The following CYP2B6 variants were observed in gnomAD, a reference collection of about 807,000 sequenced individuals.
CYP2B6 encodes cytochrome P450 family 2 subfamily B member 6.
A neutral mutation model predicts 43.4 loss-of-function variants in CYP2B6; 35 were observed. The observed-to-expected ratio is 0.81, with a 90% CI of 0.62 to 1.07. The LOEUF (loss-of-function observed/expected upper bound fraction) is 1.07. Among genes scored for constraint, CYP2B6 ranks in the 50% least tolerant of loss-of-function variants. The probability of loss-of-function intolerance (pLI) is 0.00; values close to 1 mark genes in which losing one functional copy is unlikely to be tolerated. For missense variants in CYP2B6, 624 were observed against 632.8 expected (o/e 0.99, Z 0.15); for synonymous variants, 239 against 239.2 (o/e 1.00, Z 0.01).
chr19:41,002,010 C>T (rs574722784), intron 1 of CYP2B6, among the ~76,000 whole-genome samples: 1 of 151,556 alleles, frequency 6.6e-6, no homozygotes, highest in South Asian at 2.1e-4. Flanking sequence ...GGGGTGGCTA[C>T]AAGAATCCTG....
intron 4 of CYP2B6, 30 bp downstream of exon 4, chr19:41,007,095 T>C (rs1331683010): frequency 6.2e-7 from 1 of 1,612,686 alleles, no homozygotes; most frequent in Non-Finnish European, 8.5e-7. Context: ...ACAGGGGGTG[T>C]GGGGGTGAGG....
chr19:41,009,504 G>C (rs553261903), intron 5 of CYP2B6, 109 bp downstream of exon 5: 110 of 1,286,408 alleles, frequency 8.6e-5, no homozygotes, highest in Non-Finnish European at 1.1e-4. Context: ...GAGGGAAGAA[G>C]AAAGACTAGG....
In CYP2B6 at chr19:41,018,004, T is replaced by A. The variant is rs1969396963; in HGVS notation, c.*1177T>A. The A allele has an allele frequency of 6.6e-6, 1 of 152,104 alleles. No homozygotes were observed. The highest frequency in any genetic ancestry group is 6.5e-5 in the Admixed American group (1 of 15,272). The allele number at this position is 152,104 out of a possible 1,614,324, so 9.4% of individuals were successfully genotyped here. A position where few individuals can be genotyped will look rare whatever the true frequency, so the allele number is the denominator to read the frequency against. On this transcript the variant is annotated 3_prime_UTR_variant, in exon 9 of 9. Coordinates refer to ENST00000324071, the MANE Select transcript of CYP2B6 (RefSeq NM_000767.5). ...AGTAGCTGGGATTACAGGCATGTACTACCATGCCTGGCTAATTTTCTTGTA... is the reference window on the plus strand; with the variant it reads ...AGTAGCTGGGATTACAGGCATGTACAACCATGCCTGGCTAATTTTCTTGTA...
intron 1 of CYP2B6, among the ~76,000 whole-genome samples, chr19:40,996,448 A>C (rs149726648): frequency 2.7e-4 from 41 of 152,248 alleles, no homozygotes; most frequent in African/African-American, 9.6e-4. Context: ...TGTGCATAGA[A>C]ATGCTTTAAT....
At position 41,004,256 on chromosome 19, in the gene CYP2B6, A is replaced by C. The variant is rs201168671; in HGVS notation, c.335-41A>C. 348 of 1,613,664 alleles carry C rather than the reference A, an allele frequency of 2.2e-4. No homozygotes were observed. In the African/African-American group the frequency reaches 3.8e-3, roughly 18 times the overall value. ...GAAGAAGGACTCAGAGCCTTCTTCC[A>C]ACTTCTTCTACAACCAACCCACACC... On this transcript the variant is annotated intron_variant, in intron 2 of 8. Transcript: ENST00000324071.
rs869180190 is a variant in CYP2B6, at chr19:41,016,399, CAAAAAAAAAAAAAAA to C, written c.1295-226_1295-212del. On this transcript the variant is annotated intron_variant, in intron 8 of 8. Transcript: ENST00000324071. Reference sequence around the variant, plus strand: ...TGGGTGACAAAGAGAGACTCCATCTCAAAAAAAAAAAAAAAAAAAAAAAAAAAAAAAAAAAGAGAG... The same window carrying C: ...TGGGTGACAAAGAGAGACTCCATCTCAAAAAAAAAAAAAAAAAAAAGAGAG... Among the ~76,000 whole-genome samples the C allele has an allele frequency of 7.5e-3, 574 of 76,892 alleles. 10 individuals carry two copies. The highest frequency in any genetic ancestry group is 0.021 in the African/African-American group (503 of 23,794). 50.4% of individuals were successfully genotyped at this position (76,892 alleles called of 152,430 possible).
intron 3 of CYP2B6, among the ~76,000 whole-genome samples, chr19:41,004,967 A>G (rs1969153742): frequency 6.6e-6 from 1 of 152,150 alleles, no homozygotes; most frequent in South Asian, 2.1e-4. Flanking sequence ...ACTGCACTCC[A>G]GCCTGGACAA....
At chr19:41,005,901 A>G (rs956347402) in intron 3 of CYP2B6, among the ~76,000 whole-genome samples, 1 of 152,120 alleles carries the variant, frequency 6.6e-6, no homozygotes, top group African/African-American at 2.4e-5. Context: ...AGAGAGACAG[A>G]CAGACAAAGC....
In CYP2B6 at chr19:40,991,458, A is replaced by G; in HGVS notation, c.153A>G (p.Leu51=). 2 of 1,613,806 alleles carry G rather than the reference A, an allele frequency of 1.2e-6. No homozygotes were observed. The highest frequency in any genetic ancestry group is 1.7e-6 in the Non-Finnish European group (2 of 1,180,018). ...GNLLQMDRRG[L]LKSFLRFREK... is the part of the protein sequence containing the mutation. ...TTCTGCAGATGGATAGAAGAGGCCT[A>G]CTCAAATCCTTTCTGAGGGTAAGAC... The change falls in exon 1 of 9, where the codon CTA becomes CTG. Residue 51 remains leucine, a synonymous_variant. Transcript: ENST00000324071.
chr19:41,009,533 G>C, intron 5 of CYP2B6, 138 bp downstream of exon 5: 3 of 884,588 alleles, frequency 3.4e-6, no homozygotes, highest in Non-Finnish European at 5.4e-6. Flanking sequence ...AATAGGGAAA[G>C]GGAGGAGAGA....
intron 1 of CYP2B6, among the ~76,000 whole-genome samples, chr19:41,001,735 T>C (rs1275220759): frequency 1.3e-5 from 2 of 152,062 alleles, no homozygotes; most frequent in Non-Finnish European, 2.9e-5. Context: ...CAGGAAATAG[T>C]CTAGGAATTG....
chr19:41,010,198 C>T, intron 6 of CYP2B6, 63 bp downstream of exon 6: 4 of 1,588,120 alleles, frequency 2.5e-6, no homozygotes, highest in Non-Finnish European at 3.4e-6. Context: ...AGAAATGGGG[C>T]TATGGGTACC....
At chr19:41,003,869 G>A in intron 1 of CYP2B6, 132 bp from the exon 2 acceptor site, 1 of 1,250,832 alleles carries the variant, frequency 8.0e-7, no homozygotes, top group Non-Finnish European at 1.1e-6. Context: ...TCCCAGCAGG[G>A]GAAAGGGCAG....
Position 41,016,845 on chromosome 19 carries a change from G to A in CYP2B6, c.*18G>A, listed in dbSNP as rs779849859. ...CCCGCTGAAGGGGCTGAGGGAAGGG[G>A]GTCAAAGGATTCCAGGGTCATTCAG... On this transcript the variant is annotated 3_prime_UTR_variant, in exon 9 of 9. Coordinates refer to ENST00000324071, the MANE Select transcript of CYP2B6 (RefSeq NM_000767.5). The A allele has an allele frequency of 6.2e-7, 1 of 1,611,676 alleles. No homozygotes were observed. The highest frequency in any genetic ancestry group is 8.5e-7 in the Non-Finnish European group (1 of 1,178,710).
rs532448822 is a variant in CYP2B6 at position 41,001,386 on chromosome 19, G to A, written c.172-2615G>A. 1.1e-4 allele frequency among the ~76,000 whole-genome samples: 17 copies of A among 152,188 alleles called. No homozygotes were observed. In the East Asian group the frequency reaches 1.9e-3, roughly 17 times the overall value. ...TATTATGATTGCATCTCTTGGGGGT[G>A]GGGTAAAGAGGGAGGGCATGAGCAA... On this transcript the variant is annotated intron_variant, in intron 1 of 8. Coordinates refer to ENST00000324071, the MANE Select transcript of CYP2B6 (RefSeq NM_000767.5).
intron 3 of CYP2B6, among the ~76,000 whole-genome samples, chr19:41,006,690 A>C (rs1373075987): frequency 1.3e-5 from 2 of 152,070 alleles, no homozygotes; most frequent in Non-Finnish European, 2.9e-5. Flanking sequence ...GCCCATCTAT[A>C]AACTGGAGCT....
At position 41,007,131 on chromosome 19, in the gene CYP2B6, G is replaced by T; in HGVS notation, c.645+66G>T. 4 of 1,506,636 alleles carry T rather than the reference G, an allele frequency of 2.7e-6. No individual in the cohort carries two copies. In the South Asian group the frequency reaches 4.5e-5, roughly 17 times the overall value. 93.3% of individuals were successfully genotyped at this position (1,506,636 alleles called of 1,614,324 possible). A position where few individuals can be genotyped will look rare whatever the true frequency, so the allele number is the denominator to read the frequency against. ...TGAACACCCAGAACACACGAGAAAAGGATGACCTGTCTTGGGGGCTCAGAA... is the reference window on the plus strand; with the variant it reads ...TGAACACCCAGAACACACGAGAAAATGATGACCTGTCTTGGGGGCTCAGAA... On this transcript the variant is annotated intron_variant, in intron 4 of 8. Transcript: ENST00000324071.
intron 3 of CYP2B6, among the ~76,000 whole-genome samples, chr19:41,006,434 A>G (rs900022037): frequency 2.1e-5 from 3 of 146,218 alleles, no homozygotes; most frequent in African/African-American, 7.7e-5. Flanking sequence ...GTTTAGAGGT[A>G]TGGGCCCCTG....
intron 7 of CYP2B6, 28 bp downstream of exon 7, chr19:41,012,513 TC>T: frequency 6.2e-7 from 1 of 1,613,520 alleles, no homozygotes; most frequent in South Asian, 1.1e-5. Flanking sequence ...CCCATAGCCC[TC>T]CTGTTTGGGC....
Sources: gnomAD v4.1 joint callset for allele counts (sites outside exome capture counted in the v4.1 genomes callset) on GRCh38, gnomAD v4.1.1 for gene constraint, MANE v1.5 for transcripts, NCBI Gene and HGNC (gene_info 2026-07-23, HGNC 2026-07-21) for gene names.